The following FNDC3B variants were observed in gnomAD, a reference collection of about 807,000 sequenced individuals.
FNDC3B encodes fibronectin type III domain-containing protein 3B.
A neutral mutation model predicts 151.5 loss-of-function variants in FNDC3B; 12 were observed. The ratio of observed to expected loss-of-function variants is 0.08; its 90% CI spans 0.05 to 0.13. The LOEUF is 0.13. FNDC3B is among the 10% of genes least tolerant of loss of function. The pLI, the probability that FNDC3B is intolerant of heterozygous loss-of-function variation, is 1.00. For synonymous variants in FNDC3B, 528 were observed against 549.0 expected (o/e 0.96, Z 0.54); for missense variants, 1,214 against 1,505.3 (o/e 0.81, Z 3.20).
At chr3:172,105,498 C>T (rs1719600468) in intron 1 of FNDC3B, among the ~76,000 whole-genome samples, 1 of 151,844 alleles carries the variant, frequency 6.6e-6, no homozygotes, top group Non-Finnish European at 1.5e-5. Flanking sequence ...TTTCTCCAAA[C>T]ACAATACAGC....
intron 25 of FNDC3B, among the ~76,000 whole-genome samples, chr3:172,382,993 TG>T (rs1233686516): frequency 6.6e-6 from 1 of 152,180 alleles, no homozygotes; most frequent in African/African-American, 2.4e-5. Flanking sequence ...AGGTTTTTTC[TG>T]ATTCTGTGAA....
chr3:172,076,292 C>G (rs1440615750), intron 1 of FNDC3B, among the ~76,000 whole-genome samples: 1 of 152,172 alleles, frequency 6.6e-6, no homozygotes, highest in Non-Finnish European at 1.5e-5. Flanking sequence ...TGTGTTAGGG[C>G]TATCCTTGGT....
intron 21 of FNDC3B, among the ~76,000 whole-genome samples, chr3:172,348,002 G>A (rs1261185825): frequency 6.6e-6 from 1 of 152,104 alleles, no homozygotes; most frequent in Non-Finnish European, 1.5e-5. Flanking sequence ...TCTGTGTAAA[G>A]CCTTAGTCTC....
At chr3:172,342,514 A>G (rs1411194311) in intron 17 of FNDC3B, among the ~76,000 whole-genome samples, 1 of 152,222 alleles carries the variant, frequency 6.6e-6, no homozygotes, top group Non-Finnish European at 1.5e-5. Flanking sequence ...AGATCCTGCA[A>G]AATAAAGGAC....
At chr3:172,220,187 CTTT>C (rs1161128972) in intron 3 of FNDC3B, among the ~76,000 whole-genome samples, 4 of 148,422 alleles carry the variant, frequency 2.7e-5, no homozygotes, top group African/African-American at 1.0e-4. Context: ...GTGTGTGTGT[CTTT>C]TAATAGCCAT....
intron 3 of FNDC3B, among the ~76,000 whole-genome samples, chr3:172,162,477 A>G (rs970603397): frequency 1.1e-4 from 16 of 152,076 alleles, no homozygotes; most frequent in Admixed American, 9.2e-4. Context: ...GTGAATATAT[A>G]TTTTTATTAC....
intron 3 of FNDC3B, among the ~76,000 whole-genome samples, chr3:172,211,307 T>C (rs897921091): frequency 1.3e-5 from 2 of 152,214 alleles, no homozygotes; most frequent in Admixed American, 6.5e-5. Flanking sequence ...GGGATCCTGT[T>C]TGCAGGCTCT....
chr3:172,341,083 A>T, intron 16 of FNDC3B, 30 bp from the exon 17 acceptor site: 1 of 1,465,254 alleles, frequency 6.8e-7, no homozygotes, highest in Non-Finnish European at 9.6e-7. Flanking sequence ...TACAAGAGGC[A>T]TAAAGTCATG....
chr3:172,041,404 CT>C (rs1716049269), intron 1 of FNDC3B, among the ~76,000 whole-genome samples: 1 of 133,792 alleles, frequency 7.5e-6, no homozygotes. Flanking sequence ...TTTCTTTCTC[CT>C]TCTCTCTCCT....
chr3:172,206,848 G>A (rs1377142106), intron 3 of FNDC3B, among the ~76,000 whole-genome samples: 5 of 152,066 alleles, frequency 3.3e-5, no homozygotes, highest in Non-Finnish European at 5.9e-5. Flanking sequence ...AGATGTTTTA[G>A]TATATTGGGT....
intron 6 of FNDC3B, among the ~76,000 whole-genome samples, 156 bp downstream of exon 6, chr3:172,251,697 G>A (rs1202133085): frequency 6.6e-6 from 1 of 152,152 alleles, no homozygotes; most frequent in Non-Finnish European, 1.5e-5. Flanking sequence ...TTCTTGGTAA[G>A]GAAATAATAT....
Position 172,334,290 on chromosome 3 carries a change from C to T in FNDC3B, c.1642-654C>T, listed in dbSNP as rs769373919. 4.6e-5 allele frequency among the ~76,000 whole-genome samples: 7 copies of T among 151,302 alleles called. No homozygotes were observed. In the South Asian group the frequency reaches 6.3e-4, roughly 14 times the overall value. ...TTCTCCACAAGGTGGCATTGCCCTA[C>T]GCTTTAAAAAGTGGGGCTATTTTTA... On this transcript the variant is annotated intron_variant, in intron 14 of 25. Coordinates refer to ENST00000415807, the MANE Select transcript of FNDC3B (RefSeq NM_022763.4).
At chr3:172,192,643 T>C (rs1724587736) in intron 3 of FNDC3B, among the ~76,000 whole-genome samples, 1 of 152,170 alleles carries the variant, frequency 6.6e-6, no homozygotes, top group Non-Finnish European at 1.5e-5. Context: ...TTTTTACCTT[T>C]CTAGTGTGGT....
Position 172,362,697 on chromosome 3 carries a change from A to G in FNDC3B, c.2860A>G (p.Thr954Ala). The G allele has an allele frequency of 6.2e-7, 1 of 1,613,958 alleles. No individual in the cohort carries two copies. Among genetic ancestry groups the G allele is most frequent in the Non-Finnish European group, 8.5e-7 (1 of 1,179,968 alleles). ...GPFSQFIKAK[T>A]RPLPPLPPRL... The stretch of plus-strand genomic sequence containing the variant: ...ATTTAGTCAGTTCATTAAAGCAAAA[A>G]CTCGGCCATTACCACCCTTGCCTCC... Residue 954 changes from threonine (T) to alanine (A), a missense_variant, in exon 23 of 26, where the codon ACT becomes GCT. By Grantham distance (58) the Thr-to-Ala change is moderately conservative. Around this residue, in one of 7 missense-constraint regions of FNDC3B, gnomAD observed 284 missense variants for 392.4 expected, o/e 0.72. Transcript: ENST00000415807.
Position 172,341,068 on chromosome 3 carries a change from A to T in FNDC3B, c.1853-45A>T, listed in dbSNP as rs759584371. The T allele has an allele frequency of 3.2e-5, 42 of 1,322,130 alleles. 2 individuals are homozygous for T. In the South Asian group the frequency reaches 4.6e-4, roughly 14 times the overall value. The allele number at this position is 1,322,130 out of a possible 1,614,324, so 81.9% of individuals were successfully genotyped here. ...TTGTCAGCAATGGCTGATATGCTAC[A>T]TTTTTACAAGAGGCATAAAGTCATG... is the stretch of plus-strand genomic sequence containing the variant. On this transcript the variant is annotated intron_variant, in intron 16 of 25. Transcript: ENST00000415807.
intron 3 of FNDC3B, among the ~76,000 whole-genome samples, chr3:172,166,929 C>G (rs574824871): frequency 5.3e-5 from 8 of 152,130 alleles, no homozygotes; most frequent in Non-Finnish European, 1.2e-4. Flanking sequence ...ATTTGCTTTT[C>G]TACGAAAGAA....
intron 3 of FNDC3B, among the ~76,000 whole-genome samples, chr3:172,202,969 A>C (rs1412062579): frequency 6.6e-6 from 1 of 152,206 alleles, no homozygotes; most frequent in Non-Finnish European, 1.5e-5. Context: ...ACCCTTTAAA[A>C]ATGTGACAAC....
chr3:172,306,579 T>C (rs1321627256), intron 9 of FNDC3B, among the ~76,000 whole-genome samples: 1 of 152,220 alleles, frequency 6.6e-6, no homozygotes, highest in African/African-American at 2.4e-5. Context: ...GTATAAAAAA[T>C]GGAATAGTAG....
intron 22 of FNDC3B, among the ~76,000 whole-genome samples, chr3:172,353,983 A>G (rs1733975029): frequency 6.6e-6 from 1 of 151,990 alleles, no homozygotes; most frequent in Admixed American, 6.5e-5. Context: ...AACTTTAGAT[A>G]GTCTTTGCTG....
Sources: gnomAD v4.1 joint callset for allele counts (sites outside exome capture counted in the v4.1 genomes callset) on GRCh38, gnomAD v4.1.1 for gene constraint, gnomAD v4.1.1 regional missense constraint, MANE v1.5 for transcripts, NCBI Gene and HGNC (gene_info 2026-07-23, HGNC 2026-07-21) for gene names.